The following NRXN3 variants were observed in gnomAD, a reference collection of about 807,000 sequenced individuals.
NRXN3 encodes neurexin 3.
A neutral mutation model predicts 137.6 loss-of-function variants in NRXN3; 32 were observed. That is an observed-to-expected ratio of 0.23 (90% CI 0.18 to 0.31). The LOEUF is 0.31. NRXN3 is among the 10% of genes least tolerant of loss of function. The probability of loss-of-function intolerance (pLI) is 1.00; values close to 1 mark genes in which losing one functional copy is unlikely to be tolerated. For synonymous variants in NRXN3, 798 were observed against 784.5 expected (o/e 1.02, Z -0.29); for missense variants, 1,574 against 2,062.5 (o/e 0.76, Z 4.59).
chr14:79,609,111 C>A (rs1413741500), intron 16 of NRXN3, among the ~76,000 whole-genome samples: 1 of 151,966 alleles, frequency 6.6e-6, no homozygotes, highest in East Asian at 1.9e-4. Flanking sequence ...CACAGTTTAA[C>A]CCCTAGGTCT....
At chr14:79,352,777 C>T (rs2093271723) in intron 15 of NRXN3, among the ~76,000 whole-genome samples, 1 of 152,102 alleles carries the variant, frequency 6.6e-6, no homozygotes, top group African/African-American at 2.4e-5. Flanking sequence ...GTGGACCCTA[C>T]TCTTTTTTTC....
rs1567379561 is a variant in NRXN3, at chr14:78,367,034, C to T, written c.757+69174C>T. ...CAATAAGGGCAGCTCTATAATCAAT[C>T]CAATAGACTCATTGCCCACTCTCTG... On this transcript the variant is annotated intron_variant, in intron 4 of 20. Transcript: ENST00000335750. 2.6e-5 allele frequency among the ~76,000 whole-genome samples: 4 copies of T among 152,288 alleles called. No homozygotes were observed. In the South Asian group the frequency reaches 8.3e-4, roughly 32 times the overall value.
At chr14:79,621,090 TAATGTCAGC>T (rs2098218904) in intron 16 of NRXN3, among the ~76,000 whole-genome samples, 1 of 152,180 alleles carries the variant, frequency 6.6e-6, no homozygotes, top group African/African-American at 2.4e-5. Context: ...GTAAAACAAG[TAATGTCAGC>T]ATTAGTTTCC....
chr14:78,351,403 G>A (rs1450676259), intron 4 of NRXN3, among the ~76,000 whole-genome samples: 2 of 152,096 alleles, frequency 1.3e-5, no homozygotes, highest in Non-Finnish European at 2.9e-5. Context: ...ATTACATACT[G>A]CCGAAGACTT....
chr14:79,321,771 T>C (rs1390812650), intron 15 of NRXN3, among the ~76,000 whole-genome samples: 2 of 149,912 alleles, frequency 1.3e-5, no homozygotes, highest in African/African-American at 4.9e-5. Context: ...ATTACACATA[T>C]CTATATGTAT....
chr14:78,985,680 C>T (rs2099501542), intron 14 of NRXN3, among the ~76,000 whole-genome samples: 1 of 152,178 alleles, frequency 6.6e-6, no homozygotes, highest in Admixed American at 6.5e-5. Flanking sequence ...TAAAACTTTC[C>T]ATAAACCTTC....
intron 10 of NRXN3, among the ~76,000 whole-genome samples, chr14:78,822,536 A>G (rs1160404821): frequency 4.0e-5 from 6 of 151,638 alleles, no homozygotes; most frequent in Admixed American, 3.3e-4. Context: ...TTACCCGGGC[A>G]TGGCTTTGGA....
chr14:79,208,471 T>G (rs2067131250), intron 15 of NRXN3, among the ~76,000 whole-genome samples: 1 of 152,206 alleles, frequency 6.6e-6, no homozygotes, highest in Non-Finnish European at 1.5e-5. Context: ...TTACCAAAGG[T>G]CTTCTTTTAG....
intron 15 of NRXN3, among the ~76,000 whole-genome samples, chr14:79,121,016 A>G (rs989543103): frequency 7.2e-5 from 11 of 152,282 alleles, no homozygotes; most frequent in Middle Eastern, 3.4e-3. Flanking sequence ...TCTATTCATG[A>G]CCACTCTACT....
intron 4 of NRXN3, among the ~76,000 whole-genome samples, chr14:78,535,864 A>G (rs2096530740): frequency 1.3e-5 from 2 of 152,200 alleles, no homozygotes; most frequent in South Asian, 4.1e-4. Flanking sequence ...TCTTGCCATT[A>G]GTAAGAACCA....
chr14:79,498,888 G>A (rs984911269), intron 16 of NRXN3, among the ~76,000 whole-genome samples: 6 of 152,186 alleles, frequency 3.9e-5, no homozygotes, highest in Non-Finnish European at 8.8e-5. Context: ...AGAGTCAAGT[G>A]ATGCTCCTGT....
Position 79,865,267 on chromosome 14 carries a change from C to T in NRXN3, c.*3303C>T, listed in dbSNP as rs1376345031. 1 of 152,194 alleles carries T rather than the reference C, an allele frequency of 6.6e-6. No homozygotes were observed. Among genetic ancestry groups the T allele is most frequent in the Non-Finnish European group, 1.5e-5 (1 of 68,040 alleles). 9.4% of individuals were successfully genotyped at this position (152,194 alleles called of 1,614,324 possible). On this transcript the variant is annotated 3_prime_UTR_variant, in exon 21 of 21. Coordinates refer to ENST00000335750, the MANE Select transcript of NRXN3 (RefSeq NM_001330195.2). ...ATGAGTTCTTCAATTTTAACAGCTT[C>T]TTACAAGAATTTCTGATTACAACTT... is the stretch of plus-strand genomic sequence containing the variant.
chr14:78,419,947 G>A (rs996136037), intron 4 of NRXN3, among the ~76,000 whole-genome samples: 30 of 5,434 alleles, frequency 5.5e-3, no homozygotes, highest in Non-Finnish European at 0.052. Flanking sequence ...ACGTGTGTGC[G>A]CGCGCGCGCG....
chr14:78,439,749 G>A (rs1052848697), intron 4 of NRXN3, among the ~76,000 whole-genome samples: 3 of 152,178 alleles, frequency 2.0e-5, no homozygotes, highest in South Asian at 2.1e-4. Flanking sequence ...AACTCATCAC[G>A]CATCTTGGTA....
rs891275160 is a variant in NRXN3, at chr14:79,344,870, T to C, written c.3263-122351T>C. On this transcript the variant is annotated intron_variant, in intron 15 of 20. Coordinates refer to ENST00000335750, the MANE Select transcript of NRXN3 (RefSeq NM_001330195.2). ...TACAGAATATGTAAGTCACCTAAGT[T>C]CCAGAATTCAATCTGTGCTAAGATT... Among the ~76,000 whole-genome samples the C allele has an allele frequency of 7.9e-5, 12 of 152,188 alleles. No individual in the cohort carries two copies. The East Asian group carries it at 2.3e-3, about 29-fold the overall frequency.
chr14:78,716,264 G>T (rs1035534554), intron 8 of NRXN3, among the ~76,000 whole-genome samples: 6 of 152,196 alleles, frequency 3.9e-5, no homozygotes, highest in African/African-American at 1.4e-4. Flanking sequence ...GCAGATTGCA[G>T]CTTGGTCTAT....
intron 19 of NRXN3, among the ~76,000 whole-genome samples, chr14:79,707,159 G>A (rs1603443689): frequency 6.6e-6 from 1 of 152,182 alleles, no homozygotes; most frequent in East Asian, 1.9e-4. Context: ...AGGAACAATA[G>A]CTATGTTGCT....
At chr14:79,740,833 T>C (rs767656683) in intron 19 of NRXN3, among the ~76,000 whole-genome samples, 23 of 142,600 alleles carry the variant, frequency 1.6e-4, no homozygotes, top group Non-Finnish European at 3.0e-4. Context: ...TCTCCAACAC[T>C]AGATTGCAAA....
At chr14:79,610,688 G>C (rs377652980) in intron 16 of NRXN3, among the ~76,000 whole-genome samples, 2 of 152,288 alleles carry the variant, frequency 1.3e-5, no homozygotes, top group South Asian at 2.1e-4. Flanking sequence ...ATAGAGTTAC[G>C]TGAGTTTTTC....
Sources: allele counts gnomAD v4.1 joint callset (sites outside exome capture counted in the v4.1 genomes callset), GRCh38; gene constraint gnomAD v4.1.1; transcripts MANE v1.5; gene names NCBI Gene and HGNC (gene_info 2026-07-23, HGNC 2026-07-21).